Variants in POU6F2 observed in about 807,000 individuals in gnomAD.
POU6F2 encodes POU class 6 homeobox 2.
A neutral mutation model predicts 71.3 loss-of-function variants in POU6F2; 31 were observed. The ratio of observed to expected loss-of-function variants is 0.43; its 90% confidence interval spans 0.33 to 0.59. POU6F2 has a LOEUF of 0.59. Ranked by LOEUF, POU6F2 falls within the 20% of genes least tolerant of loss-of-function variation. POU6F2 has a pLI of 0.04. For missense variants in POU6F2, 783 were observed against 856.8 expected (o/e 0.91, Z 1.07); for synonymous variants, 347 against 355.7 (o/e 0.98, Z 0.27).
chr7:39,256,703 G>A (rs1784030466), intron 4 of POU6F2, among the ~76,000 whole-genome samples: 1 of 152,144 alleles, frequency 6.6e-6, no homozygotes, highest in Non-Finnish European at 1.5e-5. Flanking sequence ...ATTAAAGAAG[G>A]TGTGATGATG....
intron 4 of POU6F2, among the ~76,000 whole-genome samples, chr7:39,308,709 C>A (rs1440823581): frequency 6.6e-6 from 1 of 152,192 alleles, no homozygotes; most frequent in Non-Finnish European, 1.5e-5. Flanking sequence ...GAGGCCATTG[C>A]TCCTGGGGGC....
At chr7:39,343,118 G>C (rs900399515) in intron 5 of POU6F2, among the ~76,000 whole-genome samples, 1 of 152,166 alleles carries the variant, frequency 6.6e-6, no homozygotes, top group African/African-American at 2.4e-5. Flanking sequence ...GACAGGAAAT[G>C]CAAGGGCAGA....
intron 6 of POU6F2, among the ~76,000 whole-genome samples, chr7:39,432,121 C>G (rs1326968577): frequency 6.6e-6 from 1 of 152,144 alleles, no homozygotes; most frequent in Non-Finnish European, 1.5e-5. Context: ...CTATGGACAC[C>G]CAGTCTGTCC....
intron 4 of POU6F2, among the ~76,000 whole-genome samples, chr7:39,335,639 A>T (rs1785754764): frequency 6.6e-6 from 1 of 152,224 alleles, no homozygotes; most frequent in South Asian, 2.1e-4. Context: ...TGAGTTCTAT[A>T]TGTATAACAT....
intron 4 of POU6F2, among the ~76,000 whole-genome samples, chr7:39,305,091 A>G (rs1028350665): frequency 1.3e-5 from 2 of 152,270 alleles, no homozygotes; most frequent in Admixed American, 1.3e-4. Flanking sequence ...GTGTGATGCT[A>G]AAAGCCAATA....
chr7:39,076,080 T>C lies in POU6F2; in HGVS notation c.106-9780T>C, dbSNP rs76134901. ...TGGGTGAGGCCTCGGCTTCATATTA[T>C]GTAGTTTCAGACACAGCTGAATGTA... On this transcript the variant is annotated intron_variant, in intron 1 of 9. Transcript: ENST00000518318. Among the ~76,000 whole-genome samples, 256 of 152,334 alleles carry C rather than the reference T, an allele frequency of 1.7e-3. 1 individual carries two copies. In the East Asian group the frequency reaches 0.036, roughly 21 times the overall value.
chr7:39,284,439 G>T (rs947592764), intron 4 of POU6F2, among the ~76,000 whole-genome samples: 6 of 152,194 alleles, frequency 3.9e-5, no homozygotes, highest in Admixed American at 6.5e-5. Flanking sequence ...TCCAATGAAT[G>T]TGCTGGAGGA....
chr7:39,365,391 AGATG>A (rs1786479759), intron 5 of POU6F2, among the ~76,000 whole-genome samples: 1 of 152,246 alleles, frequency 6.6e-6, no homozygotes, highest in East Asian at 1.9e-4. Context: ...AATCAACTCA[AGATG>A]GATTAAGGAC....
intron 2 of POU6F2, among the ~76,000 whole-genome samples, chr7:39,170,039 G>C (rs748430610): frequency 3.9e-5 from 6 of 152,060 alleles, no homozygotes; most frequent in Non-Finnish European, 8.8e-5. Context: ...GTTGTGGCAG[G>C]CACCTGTAAT....
rs193056463 is a variant in POU6F2 at position 39,440,059 on chromosome 7, T to C, written c.1320+6776T>C. ...TTTCTGCTGAGAGGTCAGCTGTTAGTGGGATGGGCTTCCCTTTGTAGGTGA... is the reference window on the plus strand; with the variant it reads ...TTTCTGCTGAGAGGTCAGCTGTTAGCGGGATGGGCTTCCCTTTGTAGGTGA... On this transcript the variant is annotated intron_variant, in intron 7 of 9. Coordinates refer to ENST00000518318, the MANE Select transcript of POU6F2 (RefSeq NM_001370959.1). Among the ~76,000 whole-genome samples, 597 of 152,338 alleles carry C rather than the reference T, an allele frequency of 3.9e-3. 1 individual carries two copies. Among genetic ancestry groups the C allele is most frequent in the Non-Finnish European group, 6.3e-3 (429 of 68,018 alleles).
At chr7:39,036,956 A>G (rs1390699785) in intron 1 of POU6F2, among the ~76,000 whole-genome samples, 2 of 151,604 alleles carry the variant, frequency 1.3e-5, no homozygotes, top group Non-Finnish European at 2.9e-5. Context: ...ATATAGGTAA[A>G]TTTCGTGTCA....
chr7:39,399,479 A>G (rs893678676), intron 5 of POU6F2, among the ~76,000 whole-genome samples: 1 of 152,218 alleles, frequency 6.6e-6, no homozygotes, highest in African/African-American at 2.4e-5. Context: ...ATTTGCTGTA[A>G]TGGGTCACAG....
At chr7:39,267,802 T>C (rs1197075309) in intron 4 of POU6F2, among the ~76,000 whole-genome samples, 1 of 152,168 alleles carries the variant, frequency 6.6e-6, no homozygotes, top group Admixed American at 6.5e-5. Context: ...GCACACACTG[T>C]TAACCCTAAT....
chr7:39,403,818 T>A (rs1015836786), intron 5 of POU6F2, among the ~76,000 whole-genome samples: 7 of 152,228 alleles, frequency 4.6e-5, no homozygotes, highest in Non-Finnish European at 8.8e-5. Flanking sequence ...CCAAAAGATA[T>A]GTATGTATAA....
intron 4 of POU6F2, among the ~76,000 whole-genome samples, chr7:39,271,975 G>T (rs1316072613): frequency 6.6e-6 from 1 of 151,730 alleles, no homozygotes; most frequent in Non-Finnish European, 1.5e-5. Context: ...AGGATGAGGA[G>T]TTGGGGTGTG....
intron 5 of POU6F2, among the ~76,000 whole-genome samples, chr7:39,347,631 T>G (rs199897043): frequency 6.2e-5 from 2 of 32,118 alleles, no homozygotes; most frequent in East Asian, 5.2e-3. Context: ...ATTATTACTA[T>G]TATTATTATT....
intron 2 of POU6F2, among the ~76,000 whole-genome samples, chr7:39,093,258 T>C (rs1469471851): frequency 1.3e-5 from 2 of 152,052 alleles, no homozygotes. Context: ...AATGATCAGA[T>C]TATAATTAGA....
At chr7:39,322,163 A>G (rs1361345032) in intron 4 of POU6F2, among the ~76,000 whole-genome samples, 1 of 152,168 alleles carries the variant, frequency 6.6e-6, no homozygotes, top group African/African-American at 2.4e-5. Flanking sequence ...CATCCATCCT[A>G]TACTTTTGCC....
chr7:39,464,558 G>A lies in POU6F2; in HGVS notation c.2035G>A (p.Val679Ile), dbSNP rs761518390. The A allele has an allele frequency of 1.4e-5, 22 of 1,613,074 alleles. No homozygotes were observed. Among genetic ancestry groups the A allele is most frequent in the Non-Finnish European group, 1.7e-5 (20 of 1,179,508 alleles). The change falls in exon 10 of 10, where the codon GTA (valine) becomes ATA (isoleucine). Residue 679 changes from valine (V) to isoleucine (I), a missense_variant. Coordinates refer to ENST00000518318, the MANE Select transcript of POU6F2 (RefSeq NM_001370959.1). The surrounding 1 kb of genome is among the most constrained non-coding windows in gnomAD (Gnocchi z 4.1). Reference sequence around the variant, plus strand: ...TGAGAAGCTGAACTATGACCGAGAAGTAGTTAGAGTTTGGTTCTGCAATAA... The same window carrying A: ...TGAGAAGCTGAACTATGACCGAGAAATAGTTAGAGTTTGGTTCTGCAATAA... ...IAEKLNYDRE[V>I]VRVWFCNKRQ...
Sources: gnomAD v4.1 joint callset for allele counts (sites outside exome capture counted in the v4.1 genomes callset) on GRCh38, gnomAD v4.1.1 for gene constraint, Gnocchi (gnomAD v3.1) non-coding constraint, MANE v1.5 for transcripts, NCBI Gene and HGNC (gene_info 2026-07-23, HGNC 2026-07-21) for gene names.